Variants in STK32A observed in about 807,000 individuals in gnomAD.
The protein encoded by STK32A is serine/threonine kinase 32A.
STK32A carries 41 observed loss-of-function variants against 53.2 expected under a neutral mutation model. The ratio of observed to expected loss-of-function variants is 0.77; its 90% CI spans 0.60 to 1.00. The LOEUF is 1.00. STK32A is among the 50% of genes least tolerant of loss of function. STK32A has a pLI of 0.00. For synonymous variants in STK32A, 166 were observed against 162.8 expected, an observed-to-expected ratio of 1.02 and a Z score of -0.15; for missense variants, 458 against 485.8, an observed-to-expected ratio of 0.94 and a Z score of 0.54.
chr5:147,393,937 A>G, the STK32A span: 4 of 1,235,296 alleles, frequency 3.2e-6, no homozygotes, highest in African/African-American at 1.5e-5. Context: ...TTAGATCACA[A>G]CCGTTTGGAT....
chr5:147,330,506 T>A (rs1054908771), intron 5 of STK32A, among the ~76,000 whole-genome samples: 1 of 152,204 alleles, frequency 6.6e-6, no homozygotes, highest in African/African-American at 2.4e-5. Context: ...AAGCTGGGAA[T>A]CCTGGGGGTC....
At chr5:147,322,945 C>T (rs1754390791) in intron 4 of STK32A, among the ~76,000 whole-genome samples, 1 of 152,156 alleles carries the variant, frequency 6.6e-6, no homozygotes, top group Non-Finnish European at 1.5e-5. Flanking sequence ...GCCGCCTTCT[C>T]CAGACACAAG....
downstream of STK32A, among the ~76,000 whole-genome samples, chr5:147,388,459 C>T (rs1269572839): frequency 6.6e-6 from 1 of 152,178 alleles, no homozygotes; most frequent in East Asian, 1.9e-4. Flanking sequence ...GTTCTGCATG[C>T]GAAGTACCCT....
At chr5:147,376,863 T>C (rs770391842) in intron 11 of STK32A, among the ~76,000 whole-genome samples, 1 of 152,172 alleles carries the variant, frequency 6.6e-6, no homozygotes, top group Non-Finnish European at 1.5e-5. Flanking sequence ...TGGACCCTTA[T>C]CAAATATGTG....
At chr5:147,379,567 G>A (rs1757372714) in intron 11 of STK32A, among the ~76,000 whole-genome samples, 1 of 151,736 alleles carries the variant, frequency 6.6e-6, no homozygotes, top group South Asian at 2.1e-4. Context: ...CTTTTCCTTG[G>A]CTCTTTTTAT....
intron 2 of STK32A, among the ~76,000 whole-genome samples, chr5:147,261,921 T>C (rs1015974418): frequency 1.3e-5 from 2 of 152,192 alleles, no homozygotes; most frequent in African/African-American, 4.8e-5. Context: ...TCCTCAGCGA[T>C]TCATAGTTGC....
At chr5:147,272,096 C>T (rs1028746710) in intron 2 of STK32A, among the ~76,000 whole-genome samples, 10 of 152,130 alleles carry the variant, frequency 6.6e-5, no homozygotes, top group East Asian at 3.9e-4. Context: ...GTACTCTGTC[C>T]CTTTATTTTT....
chr5:147,271,343 G>T (rs1021762502), intron 2 of STK32A, among the ~76,000 whole-genome samples: 28 of 151,950 alleles, frequency 1.8e-4, no homozygotes, highest in African/African-American at 6.5e-4. Context: ...TCTTAATCCT[G>T]TCATCTCGTA....
At chr5:147,236,491 C>G (rs923130272) in intron 1 of STK32A, among the ~76,000 whole-genome samples, 1 of 151,968 alleles carries the variant, frequency 6.6e-6, no homozygotes, top group Admixed American at 6.6e-5. Flanking sequence ...GGACATGTCT[C>G]CATTTTCCTG....
At chr5:147,349,341 G>A (rs966364280) in intron 6 of STK32A, among the ~76,000 whole-genome samples, 2 of 152,208 alleles carry the variant, frequency 1.3e-5, no homozygotes, top group African/African-American at 4.8e-5. Context: ...AGACAAAGAA[G>A]TTTGATACAG....
chr5:147,321,435 G>A (rs1754313118), intron 4 of STK32A, among the ~76,000 whole-genome samples: 1 of 152,176 alleles, frequency 6.6e-6, no homozygotes, highest in African/African-American at 2.4e-5. Context: ...TGTGCCAAAG[G>A]AGAAAGATGA....
chr5:147,350,177 C>T (rs950320344), intron 6 of STK32A, among the ~76,000 whole-genome samples: 3 of 127,730 alleles, frequency 2.3e-5, no homozygotes, highest in Non-Finnish European at 3.2e-5. Flanking sequence ...CCCACCGCCC[C>T]CCGCTATCCC....
chr5:147,281,708 C>T (rs1362402024), intron 4 of STK32A, among the ~76,000 whole-genome samples: 1 of 152,074 alleles, frequency 6.6e-6, no homozygotes, highest in Non-Finnish European at 1.5e-5. Flanking sequence ...AGGAAAACTT[C>T]CCCGGCCTTG....
intron 4 of STK32A, among the ~76,000 whole-genome samples, chr5:147,312,222 T>A (rs1230355077): frequency 6.6e-6 from 1 of 152,230 alleles, no homozygotes; most frequent in African/African-American, 2.4e-5. Context: ...TGCCTCAGCC[T>A]CCAAAGTAGC....
At chr5:147,277,009 A>G (rs1167096643) in intron 2 of STK32A, among the ~76,000 whole-genome samples, 1 of 152,196 alleles carries the variant, frequency 6.6e-6, no homozygotes, top group Non-Finnish European at 1.5e-5. Flanking sequence ...AGAGAAAGTG[A>G]TGATTAAGTC....
intron 4 of STK32A, among the ~76,000 whole-genome samples, chr5:147,317,520 T>C (rs1178397011): frequency 2.0e-5 from 3 of 151,740 alleles, no homozygotes; most frequent in African/African-American, 7.3e-5. Flanking sequence ...TAGAGACGGG[T>C]TTCACCATGT....
At chr5:147,253,515 G>A (rs2151943348) in intron 2 of STK32A, among the ~76,000 whole-genome samples, 1 of 152,222 alleles carries the variant, frequency 6.6e-6, no homozygotes, top group East Asian at 1.9e-4. Flanking sequence ...ACCACGCCCG[G>A]CTAATTTTTG....
chr5:147,237,041 G>A (rs989321870), intron 1 of STK32A, among the ~76,000 whole-genome samples: 5 of 152,092 alleles, frequency 3.3e-5, no homozygotes, highest in South Asian at 2.1e-4. Context: ...GGCCAGGCAC[G>A]GTGGCTCAAG....
intron 7 of STK32A, among the ~76,000 whole-genome samples, chr5:147,354,814 T>C (rs1260977072): frequency 6.6e-6 from 1 of 152,210 alleles, no homozygotes; most frequent in Non-Finnish European, 1.5e-5. Flanking sequence ...AATAAAAATA[T>C]ATATTTGTAA....
Sources: gnomAD v4.1 joint callset for allele counts (sites outside exome capture counted in the v4.1 genomes callset) on GRCh38, gnomAD v4.1.1 for gene constraint, MANE v1.5 for transcripts, NCBI Gene and HGNC (gene_info 2026-07-23, HGNC 2026-07-21) for gene names.